NYAP2: variants seen among roughly 807,000 people sequenced by gnomAD.
NYAP2 encodes neuronal tyrosine-phosphorylated phosphoinositide-3-kinase adaptor 2.
In NYAP2, 23 loss-of-function variants were observed where a neutral mutation model predicts 50.4. The ratio of observed to expected loss-of-function variants is 0.46; its 90% CI spans 0.33 to 0.65. The LOEUF (loss-of-function observed/expected upper bound fraction) is 0.65, where lower values mean the gene tolerates loss of function less well. Among genes scored for constraint, NYAP2 ranks in the 30% least tolerant of loss-of-function variants. The probability of loss-of-function intolerance (pLI) is 0.02; values close to 1 mark genes in which losing one functional copy is unlikely to be tolerated. For synonymous variants in NYAP2, 394 were observed against 365.2 expected, an observed-to-expected ratio of 1.08 and a Z score of -0.90; for missense variants, 885 against 861.0, an observed-to-expected ratio of 1.03 and a Z score of -0.35.
chr2:225,641,348 A>G (rs1693526172), intron 6 of NYAP2, among the ~76,000 whole-genome samples: 1 of 151,530 alleles, frequency 6.6e-6, no homozygotes, highest in Non-Finnish European at 1.5e-5. Context: ...GAAGTTTTGT[A>G]ATCGGCCCAG....
intron 6 of NYAP2, among the ~76,000 whole-genome samples, chr2:225,647,212 G>A (rs1449016790): frequency 1.3e-5 from 2 of 152,266 alleles, no homozygotes; most frequent in East Asian, 3.9e-4. Context: ...GTCATGGCAT[G>A]TATGGAAACA....
the NYAP2 span, among the ~76,000 whole-genome samples, chr2:225,685,883 C>T: frequency 6.6e-6 from 1 of 152,136 alleles, no homozygotes; most frequent in South Asian, 2.1e-4. Context: ...TTCTTCACAA[C>T]TTTATACAAA....
intron 3 of NYAP2, among the ~76,000 whole-genome samples, chr2:225,435,559 A>G (rs1460384299): frequency 6.6e-6 from 1 of 152,188 alleles, no homozygotes; most frequent in Non-Finnish European, 1.5e-5. Flanking sequence ...CTGCTTCTTA[A>G]TTTAGTTTTC....
the NYAP2 span, among the ~76,000 whole-genome samples, chr2:225,664,309 G>A: frequency 1.3e-5 from 2 of 152,150 alleles, no homozygotes; most frequent in Non-Finnish European, 2.9e-5. Context: ...ATAATTGTTT[G>A]CATTAGAATG....
chr2:225,615,435 A>T (rs899946586), intron 5 of NYAP2, among the ~76,000 whole-genome samples: 9 of 151,626 alleles, frequency 5.9e-5, no homozygotes, highest in African/African-American at 1.5e-4. Context: ...GTATTCTGAT[A>T]AAAAAAAAGA....
rs376360649 is a variant in NYAP2 at position 225,605,217 on chromosome 2, G to C, written c.1619-21700G>C. Among the ~76,000 whole-genome samples the C allele has an allele frequency of 2.4e-4, 36 of 152,204 alleles. 1 individual carries two copies. In the East Asian group the frequency reaches 6.8e-3, roughly 29 times the overall value. On this transcript the variant is annotated intron_variant, in intron 5 of 6. Transcript: ENST00000636099. ...GAGGCATTTTTCCATCTGCCTGTTA[G>C]AATGATTTGAGTCTTAATTAAAGTT...
chr2:225,639,653 T>G (rs1439037295), intron 6 of NYAP2, among the ~76,000 whole-genome samples: 1 of 152,214 alleles, frequency 6.6e-6, no homozygotes, highest in Non-Finnish European at 1.5e-5. Context: ...GCTCCCAGGT[T>G]TATTCATTTA....
chr2:225,692,493 C>T, the NYAP2 span, among the ~76,000 whole-genome samples: 2 of 152,060 alleles, frequency 1.3e-5, no homozygotes, highest in African/African-American at 2.4e-5. Flanking sequence ...GAGATTGTTA[C>T]AATATATGGG....
intron 4 of NYAP2, among the ~76,000 whole-genome samples, chr2:225,547,653 G>A (rs1331809056): frequency 6.6e-6 from 1 of 152,196 alleles, no homozygotes; most frequent in East Asian, 1.9e-4. Flanking sequence ...CAAGTCCACG[G>A]ATTCTTCATG....
chr2:225,606,724 A>G (rs1236527586), intron 5 of NYAP2, among the ~76,000 whole-genome samples: 3 of 152,136 alleles, frequency 2.0e-5, no homozygotes, highest in Admixed American at 6.6e-5. Context: ...TAATTGGTCT[A>G]CTTTCTTGCC....
intron 4 of NYAP2, among the ~76,000 whole-genome samples, chr2:225,541,228 C>A (rs531766097): frequency 3.0e-4 from 45 of 152,130 alleles, no homozygotes; most frequent in African/African-American, 1.0e-3. Flanking sequence ...TATTTTATTC[C>A]ATTTTGTAGG....
intron 5 of NYAP2, among the ~76,000 whole-genome samples, chr2:225,614,921 T>C (rs779102976): frequency 1.2e-4 from 18 of 152,208 alleles, no homozygotes; most frequent in Non-Finnish European, 2.5e-4. Context: ...ACAGGCAAAG[T>C]GGAAACCAAT....
intron 3 of NYAP2, among the ~76,000 whole-genome samples, chr2:225,416,976 T>C (rs1347142195): frequency 6.6e-6 from 1 of 152,182 alleles, no homozygotes; most frequent in Non-Finnish European, 1.5e-5. Flanking sequence ...TTTAAGGTAA[T>C]CTTTCTTTGA....
chr2:225,538,606 T>A (rs1219505142), intron 4 of NYAP2, among the ~76,000 whole-genome samples: 2 of 152,146 alleles, frequency 1.3e-5, no homozygotes, highest in Non-Finnish European at 2.9e-5. Flanking sequence ...CTCCTAGGCC[T>A]CTAGGCTTGT....
intron 6 of NYAP2, among the ~76,000 whole-genome samples, chr2:225,648,277 G>A (rs866362536): frequency 2.0e-5 from 3 of 152,120 alleles, no homozygotes; most frequent in African/African-American, 7.2e-5. Flanking sequence ...CTGGGTTACA[G>A]GTGTGAGCCA....
intron 5 of NYAP2, among the ~76,000 whole-genome samples, 170 bp downstream of exon 5, chr2:225,583,205 A>G (rs920211834): frequency 5.3e-5 from 8 of 152,220 alleles, no homozygotes; most frequent in Admixed American, 1.3e-4. Flanking sequence ...GCTAAACCAA[A>G]TAGTGTATCC....
At chr2:225,702,467 T>A in the NYAP2 span, 1 of 151,896 alleles carries the variant, frequency 6.6e-6, no homozygotes, top group South Asian at 2.1e-4. Context: ...CAATTGTTTT[T>A]AAGAAGATAT....
intron 5 of NYAP2, among the ~76,000 whole-genome samples, chr2:225,617,591 T>C (rs1319147671): frequency 6.6e-6 from 1 of 152,206 alleles, no homozygotes; most frequent in African/African-American, 2.4e-5. Flanking sequence ...AATCTTAAAT[T>C]TTCCCAAGTA....
At chr2:225,627,281 A>G (rs1418511197) in intron 6 of NYAP2, among the ~76,000 whole-genome samples, 155 bp downstream of exon 6, 1 of 152,268 alleles carries the variant, frequency 6.6e-6, no homozygotes, top group Non-Finnish European at 1.5e-5. Flanking sequence ...ATAAAGGGAT[A>G]TAACAATATA....
Sources: allele counts gnomAD v4.1 joint callset (sites outside exome capture counted in the v4.1 genomes callset), GRCh38; gene constraint gnomAD v4.1.1; transcripts MANE v1.5; gene names NCBI Gene and HGNC (gene_info 2026-07-23, HGNC 2026-07-21).